SV2C: variants seen among roughly 807,000 people sequenced by gnomAD.
The protein encoded by SV2C is solute carrier family 22 member B3.
A neutral mutation model predicts 79.7 loss-of-function variants in SV2C; 49 were observed. The observed-to-expected ratio is 0.61, with a 90% CI of 0.49 to 0.78. SV2C has a LOEUF of 0.78. Among genes scored for constraint, SV2C ranks in the 30% least tolerant of loss-of-function variants. SV2C has a pLI of 0.00. For synonymous variants in SV2C, 334 were observed against 333.2 expected, an observed-to-expected ratio of 1.00 and a Z score of -0.03; for missense variants, 833 against 912.9, an observed-to-expected ratio of 0.91 and a Z score of 1.13.
intron 3 of SV2C, among the ~76,000 whole-genome samples, chr5:76,203,287 G>C (rs1301848481): frequency 6.6e-6 from 1 of 151,852 alleles, no homozygotes; most frequent in Non-Finnish European, 1.5e-5. Context: ...CCCAGAGTTT[G>C]ATTGGGTGAG....
chr5:76,282,372 C>A (rs1238510968), intron 4 of SV2C, among the ~76,000 whole-genome samples: 1 of 152,244 alleles, frequency 6.6e-6, no homozygotes, highest in Non-Finnish European at 1.5e-5. Context: ...AAGTCAGCCA[C>A]TCATCCATGT....
At chr5:76,202,912 G>A (rs1321182546) in intron 3 of SV2C, among the ~76,000 whole-genome samples, 1 of 152,076 alleles carries the variant, frequency 6.6e-6, no homozygotes, top group Non-Finnish European at 1.5e-5. Context: ...TACATATATT[G>A]GGTTAAATGA....
chr5:75,921,303 C>T, the SV2C span: 110 of 1,457,150 alleles, frequency 7.5e-5, no homozygotes, highest in Non-Finnish European at 9.2e-5. Context: ...AAAGGCTCCA[C>T]GAGCTGCAGG....
At chr5:76,102,844 T>C (rs1426809974) in intron 1 of SV2C, among the ~76,000 whole-genome samples, 1 of 152,190 alleles carries the variant, frequency 6.6e-6, no homozygotes, top group Non-Finnish European at 1.5e-5. Context: ...ACTTTAGTAG[T>C]CTCTTTCATT....
chr5:76,109,490 G>A (rs531214946), intron 1 of SV2C, among the ~76,000 whole-genome samples: 112 of 152,252 alleles, frequency 7.4e-4, no homozygotes, highest in African/African-American at 2.6e-3. Context: ...TGGGTGTTAC[G>A]GGTTAAAATG....
intron 3 of SV2C, among the ~76,000 whole-genome samples, chr5:76,202,033 A>AAG (rs1554039788): frequency 2.7e-5 from 4 of 150,710 alleles, no homozygotes; most frequent in Non-Finnish European, 4.4e-5. Flanking sequence ...AAAAAAAAAA[A>AAG]AAAGAAAGAA....
chr5:76,257,877 G>A (rs916164575), intron 4 of SV2C, among the ~76,000 whole-genome samples: 5 of 150,098 alleles, frequency 3.3e-5, no homozygotes, highest in Non-Finnish European at 5.9e-5. Flanking sequence ...TGCAGTGTGT[G>A]GGGTTTGAAC....
chr5:76,004,430 A>T, the SV2C span, among the ~76,000 whole-genome samples: 1 of 152,266 alleles, frequency 6.6e-6, no homozygotes, highest in East Asian at 1.9e-4. Context: ...TTCTAGGATT[A>T]TTGTCAGGAT....
Position 76,285,496 on chromosome 5 carries a change from T to C in SV2C, c.1047+201T>C, listed in dbSNP as rs1050727811. 5 of 710,194 alleles carry C rather than the reference T, an allele frequency of 7.0e-6. No homozygotes were observed. In the African/African-American group the frequency reaches 7.1e-5, roughly 10 times the overall value. 44.0% of individuals were successfully genotyped at this position (710,194 alleles called of 1,614,324 possible). On this transcript the variant is annotated intron_variant, in intron 5 of 12. Transcript: ENST00000502798. ...CTGCCTCATGGCTAGAAAGCACTCA[T>C]GTTTCTCCTTAAACAAATAACTTGG...
intron 12 of SV2C, among the ~76,000 whole-genome samples, chr5:76,310,053 A>C (rs1748374807): frequency 6.6e-6 from 1 of 152,202 alleles, no homozygotes; most frequent in African/African-American, 2.4e-5. Context: ...TTCATTCAAA[A>C]AAAAAAAATG....
the SV2C span, among the ~76,000 whole-genome samples, chr5:75,931,271 C>T: frequency 3.3e-5 from 5 of 152,162 alleles, no homozygotes; most frequent in Admixed American, 3.3e-4. Context: ...GGGATGTGAG[C>T]CATAGAGGGA....
At chr5:75,886,087 C>T in the SV2C span, among the ~76,000 whole-genome samples, 1 of 152,064 alleles carries the variant, frequency 6.6e-6, no homozygotes, top group Non-Finnish European at 1.5e-5. Flanking sequence ...AAGCTTCTTC[C>T]AGGATGTGGG....
chr5:76,080,654 C>T (rs528245854), upstream of SV2C, among the ~76,000 whole-genome samples: 1 of 152,282 alleles, frequency 6.6e-6, no homozygotes, highest in South Asian at 2.1e-4. Context: ...ACCTCTCATG[C>T]TCATTAGGTG....
At chr5:76,136,260 G>T (rs1749066867) in intron 2 of SV2C, among the ~76,000 whole-genome samples, 1 of 152,196 alleles carries the variant, frequency 6.6e-6, no homozygotes, top group Non-Finnish European at 1.5e-5. Flanking sequence ...CGTATGCATT[G>T]GTAGTTTTCA....
chr5:76,243,589 C>T (rs1399449582), intron 4 of SV2C, among the ~76,000 whole-genome samples: 1 of 152,112 alleles, frequency 6.6e-6, no homozygotes, highest in African/African-American at 2.4e-5. Flanking sequence ...CTGCATACAC[C>T]CTTGGATGCT....
At chr5:75,998,574 C>T in the SV2C span, among the ~76,000 whole-genome samples, 3 of 151,936 alleles carry the variant, frequency 2.0e-5, no homozygotes, top group Admixed American at 6.6e-5. Context: ...TGCTCTGTAG[C>T]ACAACTAGCC....
chr5:76,346,320 A>G (rs1749536760), intron 12 of SV2C, among the ~76,000 whole-genome samples: 1 of 152,244 alleles, frequency 6.6e-6, no homozygotes, highest in Admixed American at 6.5e-5. Flanking sequence ...TATATAACTT[A>G]GCTTTTGACA....
the SV2C span, among the ~76,000 whole-genome samples, chr5:75,980,044 A>G: frequency 6.6e-6 from 1 of 152,220 alleles, no homozygotes; most frequent in African/African-American, 2.4e-5. Flanking sequence ...AGATATTACC[A>G]CTGACTCCAC....
chr5:75,961,292 C>T, the SV2C span, among the ~76,000 whole-genome samples: 1 of 151,920 alleles, frequency 6.6e-6, no homozygotes, highest in Non-Finnish European at 1.5e-5. Context: ...GTAATACAGA[C>T]ACATAATTCA....
Sources: allele counts gnomAD v4.1 joint callset (sites outside exome capture counted in the v4.1 genomes callset), GRCh38; gene constraint gnomAD v4.1.1; transcripts MANE v1.5; gene names NCBI Gene and HGNC (gene_info 2026-07-23, HGNC 2026-07-21).